INSR: variants seen among roughly 807,000 people sequenced by gnomAD.
The protein encoded by INSR is IR.
INSR carries 67 observed loss-of-function variants against 142.6 expected under a neutral mutation model. That is an observed-to-expected ratio of 0.47 (90% CI 0.39 to 0.58). The LOEUF (loss-of-function observed/expected upper bound fraction) is 0.58. INSR is among the 20% of genes least tolerant of loss of function. The pLI is 0.00. For synonymous variants in INSR, 756 were observed against 743.1 expected, an observed-to-expected ratio of 1.02 and a Z score of -0.28; for missense variants, 1,248 against 1,833.2, an observed-to-expected ratio of 0.68 and a Z score of 5.83.
intron 13 of INSR, among the ~76,000 whole-genome samples, chr19:7,139,420 A>G (rs1427552655): frequency 1.3e-5 from 2 of 152,230 alleles, no homozygotes; most frequent in Non-Finnish European, 2.9e-5. Flanking sequence ...AATCCCCAAA[A>G]ATAAATGATA....
chr19:7,134,211 A>G (rs1181138479), intron 13 of INSR, among the ~76,000 whole-genome samples: 1 of 152,160 alleles, frequency 6.6e-6, no homozygotes, highest in Non-Finnish European at 1.5e-5. Context: ...GAAAGAAACT[A>G]AAAAAAGAGA....
intron 14 of INSR, among the ~76,000 whole-genome samples, chr19:7,130,394 G>A (rs887261424): frequency 6.6e-5 from 10 of 152,190 alleles, no homozygotes; most frequent in South Asian, 2.1e-4. Context: ...AGTAGACACC[G>A]GGACTGCTAT....
At chr19:7,135,360 G>A (rs1205100595) in intron 13 of INSR, among the ~76,000 whole-genome samples, 19 of 112,856 alleles carry the variant, frequency 1.7e-4, no homozygotes, top group African/African-American at 6.5e-4. Context: ...TTGTCACCCA[G>A]GCTGGAGTGC....
At chr19:7,273,811 C>G (rs1470860853) in intron 1 of INSR, among the ~76,000 whole-genome samples, 2 of 151,966 alleles carry the variant, frequency 1.3e-5, no homozygotes, top group East Asian at 3.9e-4. Flanking sequence ...GCCACCGTGC[C>G]TGACCACCAT....
At chr19:7,184,227 G>T in intron 3 of INSR, 89 bp downstream of exon 3, 1 of 1,175,986 alleles carries the variant, frequency 8.5e-7, no homozygotes, top group Non-Finnish European at 1.2e-6. Flanking sequence ...CCCTGGGTTT[G>T]CACACAGTTT....
intron 2 of INSR, among the ~76,000 whole-genome samples, chr19:7,195,242 A>C (rs780079211): frequency 6.6e-6 from 1 of 152,224 alleles, no homozygotes. Context: ...CGTACTTCCC[A>C]TTATGAGGCA....
intron 2 of INSR, among the ~76,000 whole-genome samples, chr19:7,239,142 C>T (rs1230433058): frequency 6.6e-6 from 1 of 152,024 alleles, no homozygotes; most frequent in African/African-American, 2.4e-5. Context: ...TTCTATCTGG[C>T]CACAATTTCA....
Position 7,187,281 on chromosome 19 carries a change from C to T in INSR, c.653-2644G>A, listed in dbSNP as rs1021330061. On this transcript the variant is annotated intron_variant, in intron 2 of 21. Transcript: ENST00000302850. ...ATTTTTAGTAGAGACGGGGTTTCAC[C>T]GTGTTGGCCAGGCTGGTCTCGAACT... is the stretch of plus-strand genomic sequence containing the variant. 5.9e-5 allele frequency among the ~76,000 whole-genome samples: 9 copies of T among 151,782 alleles called. No individual in the cohort carries two copies. In the South Asian group the frequency reaches 1.7e-3, roughly 28 times the overall value.
intron 9 of INSR, among the ~76,000 whole-genome samples, chr19:7,157,866 A>T (rs1193134063): frequency 6.6e-6 from 1 of 151,834 alleles, no homozygotes; most frequent in Non-Finnish European, 1.5e-5. Context: ...AATGGTGAGT[A>T]TCCACTCGGA....
At chr19:7,132,365 C>A (rs370108073) in intron 13 of INSR, 48 bp from the exon 14 acceptor site, 1 of 1,597,196 alleles carries the variant, frequency 6.3e-7, no homozygotes, top group African/African-American at 1.3e-5. Flanking sequence ...CTTTGCACAT[C>A]TGGGAGTGTC....
chr19:7,149,761 G>A (rs1180375911), intron 11 of INSR, among the ~76,000 whole-genome samples: 1 of 151,798 alleles, frequency 6.6e-6, no homozygotes, highest in African/African-American at 2.4e-5. Context: ...GGTGGAGGTT[G>A]TGGAGAGCCG....
Position 7,126,633 on chromosome 19 carries a change from C to T in INSR, c.2964G>A (p.Leu988=), listed in dbSNP as rs1972653875. 6.4e-7 allele frequency: 1 copy of T among 1,565,674 alleles called. No individual in the cohort carries two copies. The highest frequency in any genetic ancestry group is 1.3e-5 in the African/African-American group (1 of 74,128). ...GGTTTGAAGAAGCGTAAAGCGGTCC[C>T]AGCGGCCCATCTGGCTGCCTGGAGG... ...FLRKRQPDGP[L]GPLYASSNPE... The change falls in exon 16 of 22, where the codon CTG becomes CTA. Residue 988 remains leucine (L), a synonymous_variant. Coordinates refer to ENST00000302850, the MANE Select transcript of INSR (RefSeq NM_000208.4).
At chr19:7,167,816 G>C (rs1880456250) in intron 7 of INSR, 152 bp downstream of exon 7, 1 of 920,952 alleles carries the variant, frequency 1.1e-6, no homozygotes, top group African/African-American at 1.7e-5. Flanking sequence ...CCATCGACTG[G>C]TGAGATTGTA....
intron 2 of INSR, among the ~76,000 whole-genome samples, chr19:7,193,409 G>A (rs12608473): frequency 0.35 from 52,852 of 151,404 alleles, 9,751 homozygotes; most frequent in East Asian, 0.45. Context: ...CTACATGGGA[G>A]GCTGAGGCAG....
intron 2 of INSR, among the ~76,000 whole-genome samples, chr19:7,201,501 T>C (rs1974951591): frequency 6.6e-6 from 1 of 150,860 alleles, no homozygotes. Context: ...GGTGGGCGCC[T>C]GTAATCCCAG....
intron 8 of INSR, among the ~76,000 whole-genome samples, chr19:7,163,948 A>AT (rs1555742961): frequency 1.2e-4 from 17 of 136,032 alleles, no homozygotes; most frequent in Non-Finnish European, 2.0e-4. Context: ...AAAAAAAAAA[A>AT]ATTAGCTGGA....
At chr19:7,261,173 C>T (rs930788103) in intron 2 of INSR, among the ~76,000 whole-genome samples, 45 of 152,176 alleles carry the variant, frequency 3.0e-4, no homozygotes, top group Non-Finnish European at 5.7e-4. Flanking sequence ...CAAGCATGAG[C>T]CACCGCGTCC....
chr19:7,209,905 G>T (rs575694288), intron 2 of INSR, among the ~76,000 whole-genome samples: 65 of 152,226 alleles, frequency 4.3e-4, no homozygotes, highest in African/African-American at 1.3e-3. Context: ...GAACAAAAAC[G>T]CTGTGAAAGT....
chr19:7,187,411 A>G (rs975814270), intron 2 of INSR, among the ~76,000 whole-genome samples: 1 of 152,076 alleles, frequency 6.6e-6, no homozygotes, highest in African/African-American at 2.4e-5. Context: ...TCCCACCAAC[A>G]GTGTACCAGG....
Sources: allele counts gnomAD v4.1 joint callset (sites outside exome capture counted in the v4.1 genomes callset), GRCh38; gene constraint gnomAD v4.1.1; transcripts MANE v1.5; gene names NCBI Gene and HGNC (gene_info 2026-07-23, HGNC 2026-07-21).